The following TRHDE variants were observed in gnomAD, a reference collection of about 807,000 sequenced individuals.
TRHDE encodes thyrotropin-releasing hormone-degrading ectoenzyme.
Under a neutral mutation model 125.7 loss-of-function variants are expected in TRHDE, and 72 were observed. That is an observed-to-expected ratio of 0.57 (90% confidence interval 0.47 to 0.70). TRHDE has a LOEUF of 0.70. Among genes scored for constraint, TRHDE ranks in the 30% least tolerant of loss-of-function variants. The pLI is 0.00. For missense variants in TRHDE, 1,110 were observed against 1,327.1 expected (o/e 0.84, Z 2.54); for synonymous variants, 509 against 509.1 (o/e 1.00, Z 0.00).
intron 2 of TRHDE, among the ~76,000 whole-genome samples, chr12:72,321,312 T>C (rs1415064038): frequency 2.0e-5 from 3 of 152,088 alleles, no homozygotes; most frequent in Admixed American, 1.3e-4. Context: ...TAGGAAAGAA[T>C]TGGGGATGGT....
At chr12:72,331,081 G>A (rs1327235414) in intron 2 of TRHDE, among the ~76,000 whole-genome samples, 2 of 152,072 alleles carry the variant, frequency 1.3e-5, no homozygotes, top group East Asian at 1.9e-4. Context: ...TGTATGCCAG[G>A]CAATTTGCTA....
intron 12 of TRHDE, among the ~76,000 whole-genome samples, chr12:72,611,980 G>T (rs1347264825): frequency 6.6e-6 from 1 of 152,042 alleles, no homozygotes; most frequent in Non-Finnish European, 1.5e-5. Flanking sequence ...AAAACAATCC[G>T]AAGCCCTTAT....
chr12:72,112,629 C>T (rs56216149), intron 2 of TRHDE, among the ~76,000 whole-genome samples: 21,288 of 152,136 alleles, frequency 0.14, 1,953 homozygotes, highest in Non-Finnish European at 0.21. Context: ...ATAATTTGAT[C>T]TCATTGATAT....
intron 6 of TRHDE, among the ~76,000 whole-genome samples, chr12:72,530,186 A>G (rs924533997): frequency 1.3e-5 from 2 of 152,086 alleles, no homozygotes; most frequent in Admixed American, 1.3e-4. Context: ...GACTATTTTT[A>G]TATCTTTACA....
chr12:72,326,252 TTTATC>T (rs1403130718), intron 2 of TRHDE, among the ~76,000 whole-genome samples: 1 of 152,148 alleles, frequency 6.6e-6, no homozygotes, highest in Non-Finnish European at 1.5e-5. Flanking sequence ...TTCTAATTTC[TTTATC>T]TTATCAGGCT....
At chr12:72,437,824 C>G (rs1020035828) in intron 3 of TRHDE, among the ~76,000 whole-genome samples, 2 of 151,630 alleles carry the variant, frequency 1.3e-5, no homozygotes, top group Admixed American at 1.3e-4. Flanking sequence ...TTCAAGAATA[C>G]AATATATTAT....
chr12:72,348,110 GTA>G (rs142383085), intron 2 of TRHDE, among the ~76,000 whole-genome samples: 1 of 151,636 alleles, frequency 6.6e-6, no homozygotes, highest in Admixed American at 6.6e-5. Context: ...CATGATGTAT[GTA>G]TATATATATG....
At chr12:72,595,205 T>C (rs1195444895) in intron 12 of TRHDE, among the ~76,000 whole-genome samples, 1 of 151,470 alleles carries the variant, frequency 6.6e-6, no homozygotes, top group Non-Finnish European at 1.5e-5. Context: ...ATGGCACATG[T>C]ATAGGTATGT....
At chr12:72,166,748 G>T (rs527876424) in intron 2 of TRHDE, among the ~76,000 whole-genome samples, 2 of 152,168 alleles carry the variant, frequency 1.3e-5, no homozygotes, top group African/African-American at 4.8e-5. Context: ...AAGACATGGG[G>T]CATGAGCTGG....
chr12:72,152,486 G>A (rs1876391862), intron 2 of TRHDE, among the ~76,000 whole-genome samples: 1 of 151,996 alleles, frequency 6.6e-6, no homozygotes, highest in Non-Finnish European at 1.5e-5. Flanking sequence ...GTTTTCAAAG[G>A]GAATACTTCC....
At chr12:72,156,674 T>C (rs564826013) in intron 2 of TRHDE, among the ~76,000 whole-genome samples, 6 of 152,316 alleles carry the variant, frequency 3.9e-5, no homozygotes, top group Non-Finnish European at 8.8e-5. Context: ...TTATTCTGAG[T>C]AGAAATTTTT....
intron 7 of TRHDE, among the ~76,000 whole-genome samples, chr12:72,552,712 G>A (rs6582091): frequency 0.05 from 7,540 of 152,252 alleles, 300 homozygotes; most frequent in East Asian, 0.19. Context: ...GTAGGTTAAA[G>A]AGTGAATGGG....
intron 2 of TRHDE, among the ~76,000 whole-genome samples, chr12:72,137,017 G>C (rs992705166): frequency 1.3e-5 from 2 of 152,146 alleles, no homozygotes; most frequent in African/African-American, 4.8e-5. Flanking sequence ...GCAACATCCC[G>C]GCAATAGCGA....
intron 2 of TRHDE, among the ~76,000 whole-genome samples, chr12:72,298,590 G>A (rs994962325): frequency 6.6e-6 from 1 of 151,984 alleles, no homozygotes. Context: ...TAATACTGAG[G>A]AAAAAAGGAG....
chr12:72,328,644 C>G (rs1024242557), intron 2 of TRHDE, among the ~76,000 whole-genome samples: 4 of 152,054 alleles, frequency 2.6e-5, no homozygotes, highest in Non-Finnish European at 5.9e-5. Context: ...ATAAACTGTA[C>G]TACACATGCA....
chr12:72,221,935 T>C (rs1258880674), intron 2 of TRHDE, among the ~76,000 whole-genome samples: 1 of 152,140 alleles, frequency 6.6e-6, no homozygotes, highest in Non-Finnish European at 1.5e-5. Context: ...AACTGGGTTC[T>C]GGACCAGCAT....
intron 15 of TRHDE, among the ~76,000 whole-genome samples, chr12:72,636,344 C>T (rs1334199141): frequency 2.0e-5 from 3 of 151,226 alleles, no homozygotes; most frequent in East Asian, 3.9e-4. Flanking sequence ...GATTTTTGTA[C>T]ATTGATTTTG....
chr12:72,656,562 T>G, intron 17 of TRHDE, among the ~76,000 whole-genome samples: 1 of 152,176 alleles, frequency 6.6e-6, no homozygotes, highest in East Asian at 1.9e-4. Context: ...TCATTTTCCC[T>G]TCCAGTAAGC....
chr12:72,273,134 C>T lies in TRHDE; in HGVS notation c.491C>T (p.Thr164Ile), dbSNP rs1449474059. Residue 164 changes from threonine (T) to isoleucine (I), a missense_variant, in exon 1 of 19, where the codon ACC becomes ATC. Thr to Ile is a moderately conservative substitution (Grantham distance 89). This residue lies in a region of TRHDE where 248 missense variants were observed against 240.8 expected (regional missense o/e 1.03). Coordinates refer to ENST00000261180, the MANE Select transcript of TRHDE (RefSeq NM_013381.3). This position sits in a 1 kb window ranked among gnomAD's most constrained non-coding sequence, Gnocchi z 5.3. ...GCGGGTGGGGTGGCCAGTCCGGGGA[C>T]CACGTCGGCCCAGCCGCCGTCGGAG... Reference protein sequence around the residue: ...PEAGGVASPGTTSAQPPSEEE... With the variant: ...PEAGGVASPGITSAQPPSEEE... 6.4e-7 allele frequency: 1 copy of T among 1,551,874 alleles called. No individual in the cohort carries two copies. The highest frequency in any genetic ancestry group is 8.7e-7 in the Non-Finnish European group (1 of 1,148,992).
Sources: gnomAD v4.1 joint callset for allele counts (sites outside exome capture counted in the v4.1 genomes callset) on GRCh38, gnomAD v4.1.1 for gene constraint, gnomAD v4.1.1 regional missense constraint, Gnocchi (gnomAD v3.1) non-coding constraint, MANE v1.5 for transcripts, NCBI Gene and HGNC (gene_info 2026-07-23, HGNC 2026-07-21) for gene names.